MTHFD1: variants seen among roughly 807,000 people sequenced by gnomAD.
The protein encoded by MTHFD1 is methylenetetrahydrofolate dehydrogenase, cyclohydrolase and formyltetrahydrofolate synthetase 1, also known as C-1-tetrahydrofolate synthase, cytoplasmic.
MTHFD1 carries 44 observed loss-of-function variants against 110.3 expected under a neutral mutation model. That is an observed-to-expected ratio of 0.40 (90% confidence interval 0.31 to 0.51). The LOEUF is 0.51. Ranked by LOEUF, MTHFD1 falls within the 20% of genes least tolerant of loss-of-function variation. MTHFD1 has a pLI of 0.60. For missense variants in MTHFD1, 909 were observed against 1,173.1 expected (o/e 0.77, Z 3.29); for synonymous variants, 402 against 428.8 (o/e 0.94, Z 0.77).
intron 11 of MTHFD1, 72 bp from the exon 12 acceptor site, chr14:64,427,265 G>A: frequency 6.6e-7 from 1 of 1,523,738 alleles, no homozygotes; most frequent in Non-Finnish European, 9.1e-7. Flanking sequence ...TCTAGGATCT[G>A]CTAGGTATGA....
At chr14:64,400,979 G>A (rs1433170953) in intron 2 of MTHFD1, 102 bp downstream of exon 2, 1 of 833,570 alleles carries the variant, frequency 1.2e-6, no homozygotes, top group South Asian at 1.4e-5. Context: ...TGGCTGTTGT[G>A]TAATCTCATG....
intron 13 of MTHFD1, 146 bp downstream of exon 13, chr14:64,430,376 G>A (rs1324266280): frequency 2.7e-6 from 2 of 746,912 alleles, no homozygotes; most frequent in South Asian, 1.4e-5. Context: ...TCGGCTCACT[G>A]CAACCTCTGC....
chr14:64,411,226 G>A (rs1274825837), intron 3 of MTHFD1, 77 bp downstream of exon 3: 6 of 1,123,472 alleles, frequency 5.3e-6, no homozygotes, highest in East Asian at 2.4e-5. Flanking sequence ...GCCCTTTTTG[G>A]TCCTCCCTGT....
chr14:64,443,446 C>T (rs2078263902), intron 21 of MTHFD1, among the ~76,000 whole-genome samples: 1 of 152,160 alleles, frequency 6.6e-6, no homozygotes, highest in African/African-American at 2.4e-5. Context: ...TCACATGTCT[C>T]ATAACCTTTG....
Position 64,454,890 on chromosome 14 carries a change from C to CAAGG in MTHFD1, c.2718+16_2718+19dup. 6.2e-7 allele frequency: 1 copy of CAAGG among 1,613,774 alleles called. No homozygotes were observed. The highest frequency in any genetic ancestry group is 8.5e-7 in the Non-Finnish European group (1 of 1,179,686). On this transcript the variant is annotated intron_variant, in intron 26 of 27. Coordinates refer to ENST00000652337, the MANE Select transcript of MTHFD1 (RefSeq NM_005956.4). The stretch of plus-strand genomic sequence containing the variant: ...TAGTAGGAACGGTAAGTGCATGCTG[C>CAAGG]AAGGGAGTAGTGGGCGCATCTGCAC...
At chr14:64,442,591 CA>C (rs1031410930) in intron 21 of MTHFD1, among the ~76,000 whole-genome samples, 189 bp downstream of exon 21, 1 of 152,218 alleles carries the variant, frequency 6.6e-6, no homozygotes, top group Non-Finnish European at 1.5e-5. Context: ...CAGCGCTCAG[CA>C]TTTTAAGAGG....
Position 64,399,816 on chromosome 14 carries a change from T to C in MTHFD1, c.42-977T>C, listed in dbSNP as rs113906973. ...TTTTGGAGACAGTCTTGCTCTATCG[T>C]CCAGGCTGGAGTGCAATGGCACCAT... On this transcript the variant is annotated intron_variant, in intron 1 of 27. Coordinates refer to ENST00000652337, the MANE Select transcript of MTHFD1 (RefSeq NM_005956.4). 5.8e-3 allele frequency among the ~76,000 whole-genome samples: 879 copies of C among 152,196 alleles called. 4 individuals carry two copies. Among genetic ancestry groups the C allele is most frequent in the African/African-American group, 0.019 (807 of 41,536 alleles).
chr14:64,409,343 A>G (rs571782454), intron 2 of MTHFD1, among the ~76,000 whole-genome samples: 2 of 152,328 alleles, frequency 1.3e-5, no homozygotes, highest in South Asian at 4.1e-4. Flanking sequence ...TATAAGTTAC[A>G]TTTCACTTAC....
intron 21 of MTHFD1, 70 bp downstream of exon 21, chr14:64,442,472 T>C (rs1200594573): frequency 6.6e-7 from 1 of 1,504,698 alleles, no homozygotes; most frequent in Non-Finnish European, 9.2e-7. Context: ...GGATGACTTC[T>C]GCCTGTTTCT....
At chr14:64,455,018 G>A in intron 26 of MTHFD1, 143 bp downstream of exon 26, 1 of 834,896 alleles carries the variant, frequency 1.2e-6, no homozygotes, top group Non-Finnish European at 2.1e-6. Context: ...GATTGCTGTG[G>A]ATCATAAGCT....
chr14:64,399,383 G>A (rs968284652), intron 1 of MTHFD1, among the ~76,000 whole-genome samples: 8 of 152,166 alleles, frequency 5.3e-5, no homozygotes, highest in Admixed American at 2.0e-4. Flanking sequence ...CCACGTGTCC[G>A]GGAACAGTGG....
In MTHFD1 at chr14:64,400,846, C is replaced by T. The variant is rs2077890057; in HGVS notation, c.95C>T (p.Pro32Leu). The T allele has an allele frequency of 6.2e-7, 1 of 1,613,576 alleles. No homozygotes were observed. The highest frequency in any genetic ancestry group is 8.5e-7 in the Non-Finnish European group (1 of 1,179,608). The change falls in exon 2 of 28, where the codon CCT (proline) becomes CTT (leucine). Residue 32 changes from proline to leucine, a missense_variant. Pro to Leu is a moderately conservative substitution (Grantham distance 98, BLOSUM62 -3). Coordinates refer to ENST00000652337, the MANE Select transcript of MTHFD1 (RefSeq NM_005956.4). The stretch of plus-strand genomic sequence containing the variant: ...GTCACTCAGTTGAAGGAGCAAGTAC[C>T]TGGTTTCACACCACGCCTGGCAATA... ...NQVTQLKEQV[P>L]GFTPRLAILQ...
intron 11 of MTHFD1, among the ~76,000 whole-genome samples, chr14:64,426,777 CT>C (rs1489900975): frequency 6.6e-6 from 1 of 152,148 alleles, no homozygotes. Flanking sequence ...CCAGAATCAC[CT>C]TTTTGAACCC....
chr14:64,438,305 T>G (rs1462884520), intron 16 of MTHFD1, among the ~76,000 whole-genome samples: 1 of 152,182 alleles, frequency 6.6e-6, no homozygotes, highest in African/African-American at 2.4e-5. Flanking sequence ...AGACCTACCA[T>G]AAGTAACTTA....
At chr14:64,428,308 G>A (rs181618645) in intron 12 of MTHFD1, among the ~76,000 whole-genome samples, 23 of 151,490 alleles carry the variant, frequency 1.5e-4, no homozygotes, top group African/African-American at 4.8e-4. Flanking sequence ...TAGAGACGGG[G>A]TTTCACCATT....
intron 2 of MTHFD1, among the ~76,000 whole-genome samples, chr14:64,401,113 C>T (rs956700040): frequency 6.6e-6 from 1 of 151,950 alleles, no homozygotes; most frequent in Non-Finnish European, 1.5e-5. Context: ...AACCTTTGGT[C>T]TTAGTAGGGC....
chr14:64,411,242 C>T lies in MTHFD1; in HGVS notation c.186+93C>T. ...CCCTTTTTGGTCCTCCCTGTGAAAA[C>T]TTTTATCACCCACAGGAGACATTAG... On this transcript the variant is annotated intron_variant, in intron 3 of 27. Transcript: ENST00000652337. The T allele has an allele frequency of 3.4e-6, 3 of 875,954 alleles. No individual in the cohort carries two copies. In the South Asian group the frequency reaches 4.0e-5, roughly 12 times the overall value. The allele number at this position is 875,954 out of a possible 1,614,324, so 54.3% of individuals were successfully genotyped here.
intron 2 of MTHFD1, among the ~76,000 whole-genome samples, chr14:64,403,560 G>T (rs1278461959): frequency 2.0e-5 from 3 of 150,268 alleles, no homozygotes; most frequent in African/African-American, 4.9e-5. Flanking sequence ...AAGCCACTGC[G>T]CCCAGCCTTA....
chr14:64,393,488 C>T (rs910579439), intron 1 of MTHFD1, among the ~76,000 whole-genome samples: 6 of 152,056 alleles, frequency 3.9e-5, no homozygotes, highest in African/African-American at 1.4e-4. Flanking sequence ...ACTTGACTGT[C>T]ATAGCTGGAT....
Sources: allele counts gnomAD v4.1 joint callset (sites outside exome capture counted in the v4.1 genomes callset), GRCh38; gene constraint gnomAD v4.1.1; transcripts MANE v1.5; gene names NCBI Gene and HGNC (gene_info 2026-07-23, HGNC 2026-07-21).